The following CT45A10 variants were observed in gnomAD, a reference collection of about 807,000 sequenced individuals.
CT45A10 encodes the protein cancer/testis antigen family 45 member A10.
In CT45A10, 19 loss-of-function variants were observed where a neutral mutation model predicts 8.3. That is an observed-to-expected ratio of 2.30 (90% CI 1.61 to 3.38). The LOEUF (loss-of-function observed/expected upper bound fraction) is 3.38. Ranked by LOEUF, CT45A10 falls within the 30% of genes most tolerant of loss-of-function variation. The pLI is 0.00. For synonymous variants in CT45A10, 28 were observed against 26.5 expected (o/e 1.06, Z -0.17); for missense variants, 149 against 85.9 (o/e 1.73, Z -2.90).
At chrX:135,889,624 C>T (rs1556589198) in intron 1 of CT45A10, among the ~76,000 whole-genome samples, 1 of 111,157 alleles carries the variant, frequency 9.0e-6, no homozygotes, top group Non-Finnish European at 1.9e-5. Flanking sequence ...GCCGAAGTGT[C>T]TGGATCACCT....
At chrX:135,883,523 C>A (rs2088413163) in intron 2 of CT45A10, among the ~76,000 whole-genome samples, 1 of 110,401 alleles carries the variant, frequency 9.1e-6, no homozygotes, top group South Asian at 3.8e-4. Flanking sequence ...AAAACCACCT[C>A]CTATTTTCTG....
In CT45A10 at chrX:135,883,125, T is replaced by G; in HGVS notation, c.301A>C (p.Asn101His). ...NAPVGGNVTS[N>H]FSGDDLECRG... The stretch of plus-strand genomic sequence containing the variant: ...CATTCTAGGTCATCTCCAGAGAAAT[T>G]GCTGGTAACGTTTCCTCCCACAGGT... The change falls in exon 3 of 5, where the codon AAT (asparagine) becomes CAT (histidine). Residue 101 changes from asparagine (N) to histidine (H), a missense_variant. Asn to His is a moderately conservative substitution (Grantham distance 68). Transcript: ENST00000682849. 2 of 1,199,064 alleles carry G rather than the reference T, an allele frequency of 1.7e-6. No homozygotes were observed.
chrX:135,883,331 T>C (rs1408374627), intron 2 of CT45A10, 75 bp from the exon 3 acceptor site: 5 of 1,188,295 alleles, frequency 4.2e-6, no homozygotes, highest in Admixed American at 2.2e-5. Context: ...ATAAACCTCA[T>C]GAATGACAGA....
rs1375910972 is a variant in CT45A10, at chrX:135,882,569, C to G, written c.479G>C (p.Arg160Pro). 2.8e-5 allele frequency: 32 copies of G among 1,138,693 alleles called. No individual in the cohort carries two copies. In the South Asian group the frequency reaches 5.6e-4, roughly 20 times the overall value. 93.8% of individuals were successfully genotyped at this position (1,138,693 alleles called of 1,213,427 possible). A position where few individuals can be genotyped will look rare whatever the true frequency, so the allele number is the denominator to read the frequency against. ...TTCCTTGATGATGGATTCAAAAAAT[C>G]GTTTCCTGACTGCAGTAGGTCCTTG... Reference protein sequence around the residue: ...GVQGPTAVRKRFFESIIKEAA... With the variant: ...GVQGPTAVRKPFFESIIKEAA... The change falls in exon 4 of 5, where the codon CGA becomes CCA. Residue 160 changes from arginine (R) to proline (P), a missense_variant. Transcript: ENST00000682849.
In CT45A10 at chrX:135,890,255, G is replaced by A. The variant is rs781982188; in HGVS notation, c.-7+3090C>T. ...TTGGTTTCCTGATTAACGGACAGTCGAGGCAGCCCCTTAGGCAGCTCATGC... is the reference window on the plus strand; with the variant it reads ...TTGGTTTCCTGATTAACGGACAGTCAAGGCAGCCCCTTAGGCAGCTCATGC... On this transcript the variant is annotated intron_variant, in intron 1 of 4. Coordinates refer to ENST00000682849, the MANE Select transcript of CT45A10 (RefSeq NM_001291529.2). Among the ~76,000 whole-genome samples the A allele has an allele frequency of 3.0e-3, 337 of 112,533 alleles. 3 individuals carry two copies. Among genetic ancestry groups the A allele is most frequent in the African/African-American group, 0.01 (325 of 30,987 alleles).
Position 135,883,123 on chromosome X carries a change from A to G in CT45A10, c.303T>C (p.Asn101=). ...TGCATTCTAGGTCATCTCCAGAGAA[A>G]TTGCTGGTAACGTTTCCTCCCACAG... The part of the protein sequence containing the change: ...NAPVGGNVTS[N]FSGDDLECRG... The change falls in exon 3 of 5, where the codon AAT becomes AAC. Residue 101 remains asparagine, a synonymous_variant. Transcript: ENST00000682849. 2 of 1,198,965 alleles carry G rather than the reference A, an allele frequency of 1.7e-6. No individual in the cohort carries two copies. Among genetic ancestry groups the G allele is most frequent in the Non-Finnish European group, 2.3e-6 (2 of 885,948 alleles).
intron 2 of CT45A10, 78 bp from the exon 3 acceptor site, chrX:135,883,334 A>G: frequency 1.7e-6 from 2 of 1,189,161 alleles, no homozygotes; most frequent in Non-Finnish European, 2.3e-6. Context: ...AACCTCATGA[A>G]TGACAGATCT....
At chrX:135,882,981 T>C in intron 3 of CT45A10, 27 bp downstream of exon 3, 4 of 1,192,229 alleles carry the variant, frequency 3.4e-6, no homozygotes, top group Non-Finnish European at 3.4e-6. Flanking sequence ...TACAGTTTTA[T>C]AAAACAGACG....
chrX:135,883,240 A>T lies in CT45A10; in HGVS notation c.186T>A (p.His62Gln). 1 of 1,196,964 alleles carries T rather than the reference A, an allele frequency of 8.4e-7. No homozygotes were observed. The highest frequency in any genetic ancestry group is 1.1e-6 in the Non-Finnish European group (1 of 885,739). The change falls in exon 3 of 5, where the codon CAT becomes CAA. Residue 62 changes from histidine (H) to glutamine (Q), a missense_variant. Coordinates refer to ENST00000682849, the MANE Select transcript of CT45A10 (RefSeq NM_001291529.2). ...AATCCAATTGGCTGGGTGGAATAGC[A>T]TGTCCTGTCATAAGCTCTGGTGAAA... is the stretch of plus-strand genomic sequence containing the variant. Reference protein sequence around the residue: ...MSKEKKLMTGHAIPPSQLDSQ... With the variant: ...MSKEKKLMTGQAIPPSQLDSQ...
rs2088389145 is a variant in CT45A10 at position 135,882,536 on chromosome X, C to T, written c.512G>A (p.Arg171Lys). The T allele has an allele frequency of 1.8e-6, 2 of 1,101,751 alleles. No individual in the cohort carries two copies. Among genetic ancestry groups the T allele is most frequent in the African/African-American group, 2.1e-5 (1 of 48,159 alleles). The allele number at this position is 1,101,751 out of a possible 1,213,427, so 90.8% of individuals were successfully genotyped here. A position where few individuals can be genotyped will look rare whatever the true frequency, so the allele number is the denominator to read the frequency against. Residue 171 changes from arginine to lysine, a missense_variant and splice_region_variant, in exon 4 of 5, where the codon AGA (arginine) becomes AAA (lysine). Arg to Lys is a conservative substitution (Grantham distance 26). Transcript: ENST00000682849. ...TTGGACAGTTCCTATTTCTACCCAC[C>T]TTGCTGCTTCCTTGATGATGGATTC... ...FFESIIKEAA[R>K]CMRRDFVKHL...
At chrX:135,883,536 G>T (rs1289103865) in intron 2 of CT45A10, among the ~76,000 whole-genome samples, 1 of 110,132 alleles carries the variant, frequency 9.1e-6, no homozygotes, top group African/African-American at 3.3e-5. Context: ...ATTTTCTGTC[G>T]CCTTGAATAG....
intron 1 of CT45A10, among the ~76,000 whole-genome samples, chrX:135,892,017 C>CAAAA (rs782680088): frequency 0.078 from 426 of 5,493 alleles, 3 homozygotes; most frequent in Admixed American, 0.15. Flanking sequence ...AAAAGTGCTC[C>CAAAA]GAAAAAAAAA....
Position 135,883,251 on chromosome X carries a change from T to C in CT45A10, c.175A>G (p.Met59Val), listed in dbSNP as rs2088408948. The C allele has an allele frequency of 1.7e-6, 2 of 1,196,682 alleles. No homozygotes were observed. Among genetic ancestry groups the C allele is most frequent in the African/African-American group, 3.5e-5 (2 of 56,821 alleles). ...CTGGGTGGAATAGCATGTCCTGTCA[T>C]AAGCTCTGGTGAAACAAATTTTGAG... ...GSAMSKEKKL[M>V]TGHAIPPSQL... Residue 59 changes from methionine to valine, a missense_variant, in exon 3 of 5, where the codon ATG (methionine) becomes GTG (valine). Coordinates refer to ENST00000682849, the MANE Select transcript of CT45A10 (RefSeq NM_001291529.2).
chrX:135,890,506 C>A (rs1043235813), intron 1 of CT45A10, among the ~76,000 whole-genome samples: 27 of 112,426 alleles, frequency 2.4e-4, no homozygotes, highest in African/African-American at 8.7e-4. Flanking sequence ...TTGCCGACTC[C>A]ATTTGAGTGG....
chrX:135,893,138 G>A (rs1356626082), intron 1 of CT45A10, among the ~76,000 whole-genome samples: 6 of 110,471 alleles, frequency 5.4e-5, no homozygotes, highest in African/African-American at 2.0e-4. Context: ...GCCGAGATGG[G>A]GTGCCCAAGG....
intron 1 of CT45A10, among the ~76,000 whole-genome samples, chrX:135,889,526 C>T (rs1159598909): frequency 9.1e-6 from 1 of 109,996 alleles, no homozygotes; most frequent in Non-Finnish European, 1.9e-5. Flanking sequence ...CAACAACAAA[C>T]TGAAATTTTC....
At chrX:135,881,687 C>A (rs1172085725) in intron 4 of CT45A10, among the ~76,000 whole-genome samples, 1 of 38,008 alleles carries the variant, frequency 2.6e-5, no homozygotes, top group Admixed American at 3.0e-4. Flanking sequence ...CCACCATTCA[C>A]AGTAGCCAAG....
Position 135,883,005 on chromosome X carries a change from T to C in CT45A10, c.418+3A>G. 8.3e-7 allele frequency: 1 copy of C among 1,197,971 alleles called. No individual in the cohort carries two copies. The highest frequency in any genetic ancestry group is 1.1e-6 in the Non-Finnish European group (1 of 885,131). On this transcript the variant is annotated splice_donor_region_variant and intron_variant, in intron 3 of 4. Coordinates refer to ENST00000682849, the MANE Select transcript of CT45A10 (RefSeq NM_001291529.2). ...ATAAAACAGACGTTCTTACACTACT[T>C]ACTTCGTCCAAGGCATCGGATTTCC...
intron 1 of CT45A10, among the ~76,000 whole-genome samples, chrX:135,891,646 T>C (rs979431821): frequency 2.7e-5 from 3 of 110,344 alleles, no homozygotes; most frequent in Middle Eastern, 9.3e-3. Context: ...ATAGGAGATC[T>C]AGAAGAAAAC....
Sources: allele counts gnomAD v4.1 joint callset (sites outside exome capture counted in the v4.1 genomes callset), GRCh38; gene constraint gnomAD v4.1.1; transcripts MANE v1.5; gene names NCBI Gene and HGNC (gene_info 2026-07-23, HGNC 2026-07-21).